The following MSRB3 variants were observed in gnomAD, a reference collection of about 807,000 sequenced individuals.
MSRB3 encodes methionine sulfoxide reductase B3, also known as methionine-R-sulfoxide reductase B3.
In MSRB3, 13 loss-of-function variants were observed where a neutral mutation model predicts 21.0. That is an observed-to-expected ratio of 0.62 (90% confidence interval 0.40 to 0.98). The LOEUF (loss-of-function observed/expected upper bound fraction) is 0.98, where lower values mean the gene tolerates loss of function less well. Among genes scored for constraint, MSRB3 ranks in the 50% least tolerant of loss-of-function variants. MSRB3 has a pLI of 0.00. For missense variants in MSRB3, 199 were observed against 230.3 expected, an observed-to-expected ratio of 0.86 and a Z score of 0.88; for synonymous variants, 87 against 88.6, an observed-to-expected ratio of 0.98 and a Z score of 0.10.
rs762886923 is a variant in MSRB3, at chr12:65,463,338, T to C, written c.*16T>C. 3.1e-6 allele frequency: 5 copies of C among 1,614,104 alleles called. No homozygotes were observed. The highest frequency in any genetic ancestry group is 4.2e-6 in the Non-Finnish European group (5 of 1,179,980). On this transcript the variant is annotated 3_prime_UTR_variant, in exon 7 of 7. Coordinates refer to ENST00000308259, the MANE Select transcript of MSRB3 (RefSeq NM_001031679.3). ...GGAGCTCTAGAGTAATGGAGAGTGA[T>C]GGAAACAAAGTGTACTTAATGCACA...
chr12:65,411,649 G>A (rs1223763314), intron 5 of MSRB3, among the ~76,000 whole-genome samples: 1 of 151,656 alleles, frequency 6.6e-6, no homozygotes, highest in Non-Finnish European at 1.5e-5. Flanking sequence ...AAAAACATTG[G>A]TTATTGATGA....
At position 65,436,395 on chromosome 12, in the gene MSRB3, T is replaced by A. The variant is rs533307071; in HGVS notation, c.293-17333T>A. 2.2e-3 allele frequency among the ~76,000 whole-genome samples: 340 copies of A among 152,008 alleles called. 1 individual carries two copies. The highest frequency in any genetic ancestry group is 0.017 in the Middle Eastern group (5 of 294). On this transcript the variant is annotated intron_variant, in intron 5 of 6. Coordinates refer to ENST00000308259, the MANE Select transcript of MSRB3 (RefSeq NM_001031679.3). ...ATGTGTTAATAAAGAAGCACATATT[T>A]ACTATATAACGCATTTGTTTTTTTT...
chr12:65,370,157 A>G (rs1878236816), intron 5 of MSRB3, among the ~76,000 whole-genome samples: 1 of 152,130 alleles, frequency 6.6e-6, no homozygotes, highest in Non-Finnish European at 1.5e-5. Context: ...GTAGTATAAG[A>G]TAAACATTTT....
intron 5 of MSRB3, among the ~76,000 whole-genome samples, chr12:65,410,329 G>A (rs976855401): frequency 4.6e-5 from 7 of 152,060 alleles, no homozygotes; most frequent in African/African-American, 1.7e-4. Flanking sequence ...CATTTTGTTA[G>A]GGAAATGGTT....
At chr12:65,432,630 G>A (rs753913347) in intron 5 of MSRB3, among the ~76,000 whole-genome samples, 28 of 151,484 alleles carry the variant, frequency 1.8e-4, no homozygotes, top group Non-Finnish European at 3.8e-4. Context: ...CCCATCCCCC[G>A]CCATCCCCAT....
At chr12:65,342,915 G>T (rs1460163821) in intron 4 of MSRB3, among the ~76,000 whole-genome samples, 2 of 151,940 alleles carry the variant, frequency 1.3e-5, no homozygotes, top group Non-Finnish European at 2.9e-5. Flanking sequence ...TAGTTTAAAA[G>T]GTTTTGTACC....
chr12:65,417,889 G>C (rs766311578), intron 5 of MSRB3, among the ~76,000 whole-genome samples: 9 of 152,148 alleles, frequency 5.9e-5, no homozygotes, highest in Non-Finnish European at 1.0e-4. Flanking sequence ...TCTACTGATG[G>C]ACATTTAGGT....
intron 5 of MSRB3, among the ~76,000 whole-genome samples, chr12:65,442,069 C>CG (rs1882407390): frequency 6.6e-6 from 1 of 151,960 alleles, no homozygotes; most frequent in African/African-American, 2.4e-5. Context: ...TAAGTTTTGA[C>CG]ATATCATAAA....
At chr12:65,319,305 G>A (rs968575392) in intron 2 of MSRB3, among the ~76,000 whole-genome samples, 1 of 152,016 alleles carries the variant, frequency 6.6e-6, no homozygotes, top group Non-Finnish European at 1.5e-5. Flanking sequence ...TTTTCATCAG[G>A]ATAGGGTAAT....
chr12:65,383,820 C>T (rs766290218), intron 5 of MSRB3, among the ~76,000 whole-genome samples: 18 of 151,958 alleles, frequency 1.2e-4, no homozygotes, highest in Non-Finnish European at 1.8e-4. Flanking sequence ...CCCCCACACC[C>T]GACTAATTTT....
At chr12:65,446,176 C>G (rs1219259341) in intron 5 of MSRB3, among the ~76,000 whole-genome samples, 1 of 152,088 alleles carries the variant, frequency 6.6e-6, no homozygotes, top group Non-Finnish European at 1.5e-5. Flanking sequence ...GGAAGAAATA[C>G]AGAAATTCTC....
intron 4 of MSRB3, among the ~76,000 whole-genome samples, chr12:65,350,337 G>A (rs1251093336): frequency 2.0e-5 from 3 of 151,936 alleles, no homozygotes; most frequent in Non-Finnish European, 2.9e-5. Context: ...TTGAAGTCAG[G>A]TAGTGTGATG....
intron 4 of MSRB3, among the ~76,000 whole-genome samples, chr12:65,337,705 T>C (rs1875875389): frequency 6.6e-6 from 1 of 151,960 alleles, no homozygotes; most frequent in South Asian, 2.1e-4. Flanking sequence ...AAATCTGAAG[T>C]TCTCAAAACT....
intron 4 of MSRB3, among the ~76,000 whole-genome samples, chr12:65,332,074 GC>G (rs1875460199): frequency 1.3e-5 from 2 of 152,166 alleles, no homozygotes; most frequent in Non-Finnish European, 2.9e-5. Context: ...AAAGGGCCCA[GC>G]CCCATTTTAG....
intron 5 of MSRB3, chr12:65,418,921 G>C (rs1367904518): frequency 1.4e-6 from 1 of 719,188 alleles, no homozygotes; most frequent in Non-Finnish European, 2.5e-6. Flanking sequence ...GTTCAGCAGG[G>C]CCTCCTACTC....
At chr12:65,441,281 C>A (rs1476054015) in intron 5 of MSRB3, among the ~76,000 whole-genome samples, 1 of 151,872 alleles carries the variant, frequency 6.6e-6, no homozygotes, top group East Asian at 1.9e-4. Context: ...AGTTGTAGTT[C>A]TCTGAGGTGC....
chr12:65,332,982 T>C (rs1177310440), intron 4 of MSRB3, among the ~76,000 whole-genome samples: 1 of 152,228 alleles, frequency 6.6e-6, no homozygotes, highest in Non-Finnish European at 1.5e-5. Flanking sequence ...TCTCATATAG[T>C]ACTACTGACT....
intron 5 of MSRB3, among the ~76,000 whole-genome samples, chr12:65,373,729 T>C (rs1878446976): frequency 6.6e-6 from 1 of 152,118 alleles, no homozygotes; most frequent in East Asian, 1.9e-4. Context: ...GGGAGCTCAC[T>C]ATTAAATAAA....
At chr12:65,349,810 C>G (rs1031225637) in intron 4 of MSRB3, among the ~76,000 whole-genome samples, 1 of 151,622 alleles carries the variant, frequency 6.6e-6, no homozygotes, top group Non-Finnish European at 1.5e-5. Flanking sequence ...TGGATATTAG[C>G]CCTTTGTCAG....
Sources: allele counts gnomAD v4.1 joint callset (sites outside exome capture counted in the v4.1 genomes callset), GRCh38; gene constraint gnomAD v4.1.1; transcripts MANE v1.5; gene names NCBI Gene and HGNC (gene_info 2026-07-23, HGNC 2026-07-21).